Variants in SEPHS1 observed in about 807,000 individuals in gnomAD.
SEPHS1 encodes the protein selenophosphate synthetase 1.
A neutral mutation model predicts 39.2 loss-of-function variants in SEPHS1; 7 were observed. That is an observed-to-expected ratio of 0.18 (90% CI 0.10 to 0.34). SEPHS1 has a LOEUF of 0.34. SEPHS1 is among the 10% of genes least tolerant of loss of function. The probability of loss-of-function intolerance (pLI) is 1.00; values close to 1 mark genes in which losing one functional copy is unlikely to be tolerated. For synonymous variants in SEPHS1, 190 were observed against 195.5 expected (o/e 0.97, Z 0.23); for missense variants, 253 against 514.5 (o/e 0.49, Z 4.92).
intron 7 of SEPHS1, among the ~76,000 whole-genome samples, chr10:13,325,882 C>T (rs1275926952): frequency 3.1e-5 from 3 of 96,758 alleles, no homozygotes; most frequent in Non-Finnish European, 5.6e-5. Context: ...TGGGCGACAG[C>T]GAGACTCCGT....
At chr10:13,347,189 T>C (rs1424129908) in intron 1 of SEPHS1, 11 of 38,282 alleles carry the variant, frequency 2.9e-4, no homozygotes, top group African/African-American at 1.1e-3. Flanking sequence ...ATGGTTTGGT[T>C]TTTTTTTTTC....
At chr10:13,328,269 G>A in intron 7 of SEPHS1, 82 bp downstream of exon 7, 1 of 967,668 alleles carries the variant, frequency 1.0e-6, no homozygotes, top group Non-Finnish European at 1.6e-6. Flanking sequence ...CACCTACCCT[G>A]AGACAGTATG....
intron 2 of SEPHS1, among the ~76,000 whole-genome samples, chr10:13,339,009 A>C (rs1833717876): frequency 1.3e-5 from 2 of 152,234 alleles, no homozygotes; most frequent in African/African-American, 4.8e-5. Flanking sequence ...AATACCAATG[A>C]AAATGTTACT....
chr10:13,322,176 CTG>C, intron 8 of SEPHS1: 1 of 369,148 alleles, frequency 2.7e-6, no homozygotes, highest in Non-Finnish European at 5.2e-6. Flanking sequence ...GAATCTCGCT[CTG>C]TCACCCAGGC....
At position 13,326,453 on chromosome 10, in the gene SEPHS1, G is replaced by A. The variant is rs1306683585; in HGVS notation, c.751+1898C>T. On this transcript the variant is annotated intron_variant, in intron 7 of 8. Transcript: ENST00000327347. ...CCTGCCACTGCACTTCAGCCTGGGC[G>A]AAAGAGCAAAACTCCATCTCAAAAA... 1.1e-4 allele frequency among the ~76,000 whole-genome samples: 15 copies of A among 140,344 alleles called. No homozygotes were observed. The Admixed American group carries it at 1.1e-3, about 11-fold the overall frequency. The allele number at this position is 140,344 out of a possible 152,430, so 92.1% of individuals were successfully genotyped here.
At position 13,320,663 on chromosome 10, in the gene SEPHS1, G is replaced by GT. The variant is rs563967168; in HGVS notation, c.965-1308dup. On this transcript the variant is annotated intron_variant, in intron 8 of 8. Transcript: ENST00000327347. ...GTTCAAGACCAGCCTGGCCAACATG[G>GT]TAAAACCTCGTCTCTAAATTAGCTG... 1.2e-3 allele frequency among the ~76,000 whole-genome samples: 185 copies of GT among 151,914 alleles called. 1 individual carries two copies. The highest frequency in any genetic ancestry group is 3.9e-3 in the African/African-American group (163 of 41,446).
At position 13,348,040 on chromosome 10, in the gene SEPHS1, C is replaced by G. The variant is rs1004632971; in HGVS notation, c.-119G>C. 2.0e-5 allele frequency: 3 copies of G among 148,782 alleles called. No homozygotes were observed. Among genetic ancestry groups the G allele is most frequent in the African/African-American group, 4.9e-5 (2 of 40,948 alleles). The allele number at this position is 148,782 out of a possible 1,614,324, so 9.2% of individuals were successfully genotyped here. A position where few individuals can be genotyped will look rare whatever the true frequency, so the allele number is the denominator to read the frequency against. ...CCTCCGCCTCCTCCCGAAAACGGGCCGCGGGCCGCTCCCACAATGCACCGG... is the reference window on the plus strand; with the variant it reads ...CCTCCGCCTCCTCCCGAAAACGGGCGGCGGGCCGCTCCCACAATGCACCGG... On this transcript the variant is annotated 5_prime_UTR_variant, in exon 1 of 9. Coordinates refer to ENST00000327347, the MANE Select transcript of SEPHS1 (RefSeq NM_012247.5).
chr10:13,337,970 G>A (rs958936081), intron 3 of SEPHS1, among the ~76,000 whole-genome samples: 1 of 152,156 alleles, frequency 6.6e-6, no homozygotes, highest in Non-Finnish European at 1.5e-5. Context: ...AGAACACCTG[G>A]CATTTTATAG....
chr10:13,324,240 C>T (rs1833195112), intron 7 of SEPHS1, among the ~76,000 whole-genome samples: 1 of 152,110 alleles, frequency 6.6e-6, no homozygotes, highest in African/African-American at 2.4e-5. Context: ...TCCTCCACAT[C>T]TTTTCATGGC....
chr10:13,336,128 G>C (rs948523471), intron 4 of SEPHS1, 115 bp downstream of exon 4: 5 of 642,568 alleles, frequency 7.8e-6, no homozygotes, highest in Admixed American at 2.7e-5. Context: ...AAGGAGTGCA[G>C]GGAGCCATAT....
chr10:13,345,000 C>T lies in SEPHS1; in HGVS notation c.-50G>A, dbSNP rs750927787. On this transcript the variant is annotated 5_prime_UTR_variant, in exon 2 of 9. Transcript: ENST00000327347. Reference sequence around the variant, plus strand: ...CAGCTCAGCCCCTCCCCTCCCTCTGCGGGTTGGCTGGGTTCTTTATGGATC... The same window carrying T: ...CAGCTCAGCCCCTCCCCTCCCTCTGTGGGTTGGCTGGGTTCTTTATGGATC... The T allele has an allele frequency of 2.9e-6, 4 of 1,382,382 alleles. No individual in the cohort carries two copies. The South Asian group carries it at 8.3e-5, about 29-fold the overall frequency. The allele number at this position is 1,382,382 out of a possible 1,614,324, so 85.6% of individuals were successfully genotyped here.
At chr10:13,327,033 T>C (rs1228385894) in intron 7 of SEPHS1, among the ~76,000 whole-genome samples, 1 of 150,650 alleles carries the variant, frequency 6.6e-6, no homozygotes, top group Non-Finnish European at 1.5e-5. Flanking sequence ...AGGTCAGGAG[T>C]TCGAGACCAG....
intron 7 of SEPHS1, among the ~76,000 whole-genome samples, chr10:13,326,251 G>A (rs1006715905): frequency 2.0e-5 from 3 of 151,948 alleles, no homozygotes; most frequent in Non-Finnish European, 2.9e-5. Flanking sequence ...CGAGACAGGC[G>A]GATCACAAGG....
chr10:13,347,494 G>C (rs1833960694), intron 1 of SEPHS1: 1 of 147,154 alleles, frequency 6.8e-6, no homozygotes, highest in African/African-American at 2.5e-5. Context: ...TGTTCGGGCC[G>C]GCGGGAGGCG....
At chr10:13,336,650 G>A (rs568926713) in intron 3 of SEPHS1, among the ~76,000 whole-genome samples, 11 of 152,166 alleles carry the variant, frequency 7.2e-5, no homozygotes, top group Non-Finnish European at 1.3e-4. Flanking sequence ...TTTAGATAGG[G>A]GAAGGGGTAT....
At chr10:13,319,452 T>G in intron 8 of SEPHS1, 96 bp from the exon 9 acceptor site, 1 of 1,268,394 alleles carries the variant, frequency 7.9e-7, no homozygotes, top group Non-Finnish European at 1.1e-6. Flanking sequence ...CATCAACAAC[T>G]TGCTGCCACC....
At chr10:13,330,559 C>T (rs150368746) in intron 5 of SEPHS1, among the ~76,000 whole-genome samples, 6 of 152,264 alleles carry the variant, frequency 3.9e-5, no homozygotes, top group East Asian at 1.9e-4. Flanking sequence ...TTGTGCCTTT[C>T]GCAGCTTCAG....
intron 7 of SEPHS1, among the ~76,000 whole-genome samples, chr10:13,328,086 C>T (rs774471421): frequency 6.6e-6 from 1 of 152,164 alleles, no homozygotes; most frequent in African/African-American, 2.4e-5. Context: ...CCAAATCTTA[C>T]ATAGGTAACC....
In SEPHS1 at chr10:13,336,259, T is replaced by C. The variant is rs769996817; in HGVS notation, c.389A>G (p.Asn130Ser). 9.3e-6 allele frequency: 15 copies of C among 1,613,154 alleles called. No individual in the cohort carries two copies. The East Asian group carries it at 2.9e-4, about 31-fold the overall frequency. Residue 130 changes from asparagine to serine, a missense_variant, in exon 4 of 9, where the codon AAT becomes AGT. Physicochemically the swap from Asn to Ser is conservative, Grantham distance 46 (BLOSUM62 1). This residue lies in a region of SEPHS1 where 123 missense variants were observed against 196.8 expected (regional missense o/e 0.62). Coordinates refer to ENST00000327347, the MANE Select transcript of SEPHS1 (RefSeq NM_012247.5). ...DNMLMLLGVSNKMTDRERDKV... is the reference protein window; with the variant it reads ...DNMLMLLGVSSKMTDRERDKV... ...CCTACTTACCCTGTCGGTCATTTTATTACTGACTCCAAGGAGCATCAGCAT... is the reference window on the plus strand; with the variant it reads ...CCTACTTACCCTGTCGGTCATTTTACTACTGACTCCAAGGAGCATCAGCAT...
Sources: allele counts gnomAD v4.1 joint callset (sites outside exome capture counted in the v4.1 genomes callset), GRCh38; gene constraint gnomAD v4.1.1; regional missense constraint gnomAD v4.1.1; transcripts MANE v1.5; gene names NCBI Gene and HGNC (gene_info 2026-07-23, HGNC 2026-07-21).